Variants in FRYL observed in about 807,000 individuals in gnomAD.
FRYL encodes FRY like transcription coactivator.
Under a neutral mutation model 351.2 loss-of-function variants are expected in FRYL, and 150 were observed. That is an observed-to-expected ratio of 0.43 (90% CI 0.37 to 0.49). FRYL has a LOEUF of 0.49. Among genes scored for constraint, FRYL ranks in the 20% least tolerant of loss-of-function variants. The pLI, the probability that FRYL is intolerant of heterozygous loss-of-function variation, is 0.00. For missense variants in FRYL, 3,036 were observed against 3,619.3 expected (o/e 0.84, Z 4.13); for synonymous variants, 1,153 against 1,257.1 (o/e 0.92, Z 1.75).
chr4:48,655,626 G>C (rs1384048238), intron 3 of FRYL, among the ~76,000 whole-genome samples: 1 of 147,752 alleles, frequency 6.8e-6, no homozygotes, highest in East Asian at 2.0e-4. Flanking sequence ...AGCCAATTTA[G>C]ACCCAAACAA....
chr4:48,684,674 G>A lies in FRYL; in HGVS notation c.-82C>T, dbSNP rs1303689740. The A allele has an allele frequency of 1.3e-5, 2 of 152,084 alleles. No individual in the cohort carries two copies. The highest frequency in any genetic ancestry group is 2.1e-4 in the South Asian group (1 of 4,818). The allele number at this position is 152,084 out of a possible 1,614,324, so 9.4% of individuals were successfully genotyped here. A position where few individuals can be genotyped will look rare whatever the true frequency, so the allele number is the denominator to read the frequency against. On this transcript the variant is annotated splice_region_variant and 5_prime_UTR_variant, in exon 3 of 64. The change creates a new upstream start codon in the 5' untranslated region. Coordinates refer to ENST00000358350, the MANE Select transcript of FRYL (RefSeq NM_015030.2). ...TGAGAATATTTACTATAATCTTACCGTATCACTTGAGACAGTAATTTCTTG... is the reference window on the plus strand; with the variant it reads ...TGAGAATATTTACTATAATCTTACCATATCACTTGAGACAGTAATTTCTTG...
intron 16 of FRYL, among the ~76,000 whole-genome samples, chr4:48,592,103 T>G (rs1380887128): frequency 2.3e-5 from 1 of 43,218 alleles, no homozygotes; most frequent in Admixed American, 4.2e-4. Context: ...TATATATATA[T>G]ATATATATAT....
chr4:48,703,965 C>T (rs1767033910), intron 2 of FRYL, among the ~76,000 whole-genome samples: 1 of 152,164 alleles, frequency 6.6e-6, no homozygotes. Flanking sequence ...AAAGGGAACA[C>T]AGGTTTGTGG....
chr4:48,671,976 A>C (rs1227781709), intron 3 of FRYL, among the ~76,000 whole-genome samples: 1 of 151,470 alleles, frequency 6.6e-6, no homozygotes, highest in Non-Finnish European at 1.5e-5. Context: ...GGAATTATGC[A>C]CAATAAAAGA....
intron 2 of FRYL, among the ~76,000 whole-genome samples, chr4:48,695,890 G>A (rs1766113317): frequency 6.6e-6 from 1 of 152,054 alleles, no homozygotes; most frequent in Non-Finnish European, 1.5e-5. Flanking sequence ...ACTTCACAAA[G>A]GAAGACATTT....
Position 48,523,060 on chromosome 4 carries a change from T to C in FRYL, c.7362A>G (p.Ser2454=). 1 of 1,613,902 alleles carries C rather than the reference T, an allele frequency of 6.2e-7. No homozygotes were observed. ...TGTCCCCTTTGTCAATACTGTCCAG[T>C]GAGCGCCTGCGAACTCCCCAGTTGA... ...DNFNWGVRRR[S]LDSIDKGDTP... is the part of the protein sequence containing the mutation. Residue 2454 remains serine (S), a synonymous_variant, in exon 54 of 64, where the codon TCA becomes TCG. Transcript: ENST00000358350.
intron 3 of FRYL, among the ~76,000 whole-genome samples, chr4:48,643,904 A>G (rs141910929): frequency 6.6e-6 from 1 of 152,302 alleles, no homozygotes; most frequent in African/African-American, 2.4e-5. Context: ...ATAAGTGTCA[A>G]TTTTCATAAA....
chr4:48,599,340 G>C (rs1745238043), intron 13 of FRYL, among the ~76,000 whole-genome samples: 1 of 152,080 alleles, frequency 6.6e-6, no homozygotes, highest in African/African-American at 2.4e-5. Flanking sequence ...ATTCTGTTTG[G>C]GACAAAAATT....
intron 1 of FRYL, among the ~76,000 whole-genome samples, chr4:48,778,028 C>G (rs928826066): frequency 5.5e-4 from 83 of 152,196 alleles, no homozygotes; most frequent in African/African-American, 1.9e-3. Context: ...AGACCACCAT[C>G]TCTACAAAAA....
intron 63 of FRYL, 44 bp downstream of exon 63, chr4:48,499,986 T>C: frequency 7.7e-7 from 1 of 1,302,004 alleles, no homozygotes; most frequent in South Asian, 1.3e-5. Flanking sequence ...CTAAACTTCC[T>C]GTCTAATTTA....
At chr4:48,651,976 A>T (rs1435422624) in intron 3 of FRYL, among the ~76,000 whole-genome samples, 2 of 152,236 alleles carry the variant, frequency 1.3e-5, no homozygotes, top group Non-Finnish European at 2.9e-5. Context: ...CCTTCATGAG[A>T]TGTGTACTAT....
At chr4:48,725,577 C>T (rs771085251) in intron 1 of FRYL, among the ~76,000 whole-genome samples, 1 of 152,164 alleles carries the variant, frequency 6.6e-6, no homozygotes, top group African/African-American at 2.4e-5. Flanking sequence ...GTCACGCTGT[C>T]CTGCTCCATC....
At chr4:48,771,924 A>G (rs1775556983) in intron 1 of FRYL, among the ~76,000 whole-genome samples, 1 of 152,234 alleles carries the variant, frequency 6.6e-6, no homozygotes. Flanking sequence ...CAATAAAGTA[A>G]TAAGCAAATC....
intron 53 of FRYL, among the ~76,000 whole-genome samples, chr4:48,525,344 T>C (rs1423662655): frequency 6.6e-6 from 1 of 152,008 alleles, no homozygotes; most frequent in African/African-American, 2.4e-5. Context: ...AAAATGTAAA[T>C]GGTGGAGTAT....
At chr4:48,651,289 CTG>C (rs59845967) in intron 3 of FRYL, among the ~76,000 whole-genome samples, 6,869 of 62,254 alleles carry the variant, frequency 0.11, 864 homozygotes, top group Non-Finnish European at 0.13. Context: ...CAGGATCTCA[CTG>C]TGTGTGTGTG....
chr4:48,778,705 T>C (rs1209157852), intron 1 of FRYL, among the ~76,000 whole-genome samples: 1 of 152,228 alleles, frequency 6.6e-6, no homozygotes, highest in Non-Finnish European at 1.5e-5. Context: ...TTTTTATCAA[T>C]AGTAAAAGCT....
intron 38 of FRYL, 38 bp downstream of exon 38, chr4:48,550,554 C>T: frequency 8.3e-7 from 1 of 1,201,056 alleles, no homozygotes; most frequent in Non-Finnish European, 1.2e-6. Context: ...ATACACCTCA[C>T]CCTTATAGTT....
intron 62 of FRYL, 40 bp downstream of exon 62, chr4:48,501,583 T>A: frequency 1.8e-6 from 2 of 1,104,196 alleles, no homozygotes; most frequent in Non-Finnish European, 2.7e-6. Context: ...AAAATTTTTT[T>A]AGAATCAGTT....
chr4:48,749,096 C>A lies in FRYL; in HGVS notation c.-384+30982G>T, dbSNP rs563950666. 6.6e-5 allele frequency among the ~76,000 whole-genome samples: 10 copies of A among 152,222 alleles called. No homozygotes were observed. In the South Asian group the frequency reaches 2.1e-3, roughly 32 times the overall value. On this transcript the variant is annotated intron_variant, in intron 1 of 63. Transcript: ENST00000358350. The stretch of plus-strand genomic sequence containing the variant: ...CGGTAGGGGAAAAGGTCAGAAAGGC[C>A]GAGAGGGGCCAGCTCAGGTAAGGCC...
Sources: allele counts gnomAD v4.1 joint callset (sites outside exome capture counted in the v4.1 genomes callset), GRCh38; gene constraint gnomAD v4.1.1; transcripts MANE v1.5; gene names NCBI Gene and HGNC (gene_info 2026-07-23, HGNC 2026-07-21).